TUFT1: variants seen among roughly 807,000 people sequenced by gnomAD.
TUFT1 encodes tuftelin.
In TUFT1, 43 loss-of-function variants were observed where a neutral mutation model predicts 57.8. The observed-to-expected ratio is 0.74, with a 90% CI of 0.58 to 0.96. The LOEUF (loss-of-function observed/expected upper bound fraction) is 0.96. Among genes scored for constraint, TUFT1 ranks in the 40% least tolerant of loss-of-function variants. The pLI is 0.00. For missense variants in TUFT1, 459 were observed against 489.0 expected, an observed-to-expected ratio of 0.94 and a Z score of 0.58; for synonymous variants, 166 against 176.7, an observed-to-expected ratio of 0.94 and a Z score of 0.48.
intron 11 of TUFT1, 95 bp from the exon 12 acceptor site, chr1:151,580,847 A>G (rs750179117): frequency 5.3e-5 from 59 of 1,121,496 alleles, no homozygotes; most frequent in Admixed American, 3.1e-4. Context: ...CAACAGCAGC[A>G]TAAACACAGG....
intron 1 of TUFT1, among the ~76,000 whole-genome samples, chr1:151,547,622 A>G (rs1417516172): frequency 6.6e-6 from 1 of 152,208 alleles, no homozygotes; most frequent in Non-Finnish European, 1.5e-5. Context: ...TGGGTCTGGG[A>G]GCACAGAAGC....
At chr1:151,565,564 A>G (rs1666042791) in intron 5 of TUFT1, among the ~76,000 whole-genome samples, 1 of 152,234 alleles carries the variant, frequency 6.6e-6, no homozygotes, top group Non-Finnish European at 1.5e-5. Context: ...GGTGGGAGCT[A>G]CTTTGTCAGG....
At chr1:151,562,556 C>G in intron 2 of TUFT1, 29 bp from the exon 3 acceptor site, 7 of 1,562,098 alleles carry the variant, frequency 4.5e-6, no homozygotes, top group African/African-American at 1.4e-5. Context: ...CTCTCTCTCT[C>G]TCTCTCTCTC....
intron 1 of TUFT1, among the ~76,000 whole-genome samples, chr1:151,560,631 G>A (rs115675569): frequency 2.2e-3 from 328 of 152,276 alleles, no homozygotes; most frequent in African/African-American, 7.5e-3. Context: ...ATGACCAGAT[G>A]ACCTCAAGAT....
chr1:151,542,415 A>G (rs1433765956), intron 1 of TUFT1, among the ~76,000 whole-genome samples: 2 of 148,558 alleles, frequency 1.3e-5, no homozygotes, highest in East Asian at 4.0e-4. Flanking sequence ...TTCTGTTGGT[A>G]GAGATGGGAT....
At chr1:151,576,186 T>A (rs1347706598) in intron 9 of TUFT1, among the ~76,000 whole-genome samples, 1 of 152,140 alleles carries the variant, frequency 6.6e-6, no homozygotes, top group Non-Finnish European at 1.5e-5. Flanking sequence ...GTAGCTCATG[T>A]TGCATTGTAC....
At chr1:151,562,799 C>T in intron 3 of TUFT1, 113 bp downstream of exon 3, 1 of 839,756 alleles carries the variant, frequency 1.2e-6, no homozygotes, top group Non-Finnish European at 2.0e-6. Flanking sequence ...ATGGAAGGAA[C>T]CAGACCTGAG....
chr1:151,544,409 G>A (rs1360428070), intron 1 of TUFT1, among the ~76,000 whole-genome samples: 1 of 151,988 alleles, frequency 6.6e-6, no homozygotes, highest in East Asian at 1.9e-4. Context: ...CAATTCTCCT[G>A]CCTCAGCCTC....
At chr1:151,565,236 G>A (rs917885491) in intron 5 of TUFT1, among the ~76,000 whole-genome samples, 1 of 152,206 alleles carries the variant, frequency 6.6e-6, no homozygotes, top group African/African-American at 2.4e-5. Flanking sequence ...TCTTTCCTGG[G>A]AGGGATAATC....
intron 1 of TUFT1, among the ~76,000 whole-genome samples, chr1:151,551,761 A>G (rs958316665): frequency 9.9e-5 from 15 of 152,202 alleles, no homozygotes; most frequent in African/African-American, 3.1e-4. Context: ...GAGGGAGTCA[A>G]AACATTTTAT....
chr1:151,552,833 C>A (rs565885977), intron 1 of TUFT1, among the ~76,000 whole-genome samples: 1 of 149,268 alleles, frequency 6.7e-6, no homozygotes, highest in South Asian at 2.2e-4. Flanking sequence ...TTTAAATTTT[C>A]AATTTTTATT....
intron 1 of TUFT1, among the ~76,000 whole-genome samples, chr1:151,542,162 G>A (rs1665187870): frequency 6.6e-6 from 1 of 152,158 alleles, no homozygotes; most frequent in Non-Finnish European, 1.5e-5. Context: ...CACTGGCAGT[G>A]TTAATGAATC....
chr1:151,560,139 C>T (rs1198516454), intron 1 of TUFT1, among the ~76,000 whole-genome samples: 3 of 147,984 alleles, frequency 2.0e-5, no homozygotes, highest in Admixed American at 6.7e-5. Context: ...AGTTGGGGGC[C>T]GGGTGCGGTG....
At chr1:151,564,982 A>C in intron 5 of TUFT1, 1 of 171,946 alleles carries the variant, frequency 5.8e-6, no homozygotes, top group South Asian at 1.4e-4. Flanking sequence ...GTAAATCCAC[A>C]CTTCTCATAA....
chr1:151,552,882 C>G (rs1487939663), intron 1 of TUFT1, among the ~76,000 whole-genome samples: 1 of 151,858 alleles, frequency 6.6e-6, no homozygotes, highest in Non-Finnish European at 1.5e-5. Context: ...AGAAGCAGTC[C>G]ATTCTTAGAT....
chr1:151,549,452 A>G (rs1013891736), intron 1 of TUFT1, among the ~76,000 whole-genome samples: 1 of 152,200 alleles, frequency 6.6e-6, no homozygotes, highest in Non-Finnish European at 1.5e-5. Context: ...CATCAGCTCC[A>G]TTAGACAATT....
At chr1:151,562,795 G>A in intron 3 of TUFT1, 109 bp downstream of exon 3, 2 of 888,314 alleles carry the variant, frequency 2.3e-6, no homozygotes, top group Admixed American at 4.1e-5. Flanking sequence ...TTTGATGGAA[G>A]GAACCAGACC....
intron 1 of TUFT1, among the ~76,000 whole-genome samples, chr1:151,542,945 C>T (rs1181658527): frequency 1.3e-5 from 2 of 152,172 alleles, no homozygotes; most frequent in East Asian, 3.9e-4. Flanking sequence ...AATTCATGTG[C>T]AAAGTGAGTC....
At chr1:151,562,258 T>C (rs917745501) in intron 2 of TUFT1, 93 bp downstream of exon 2, 5 of 1,151,444 alleles carry the variant, frequency 4.3e-6, no homozygotes, top group Non-Finnish European at 6.4e-6. Context: ...GAGCCGACTC[T>C]GGTGATGCGA....
Sources: allele counts gnomAD v4.1 joint callset (sites outside exome capture counted in the v4.1 genomes callset), GRCh38; gene constraint gnomAD v4.1.1; transcripts MANE v1.5; gene names NCBI Gene and HGNC (gene_info 2026-07-23, HGNC 2026-07-21).